Variants in CLDN16 observed in about 807,000 individuals in gnomAD.
CLDN16 encodes the protein claudin 16.
In CLDN16, 13 loss-of-function variants were observed where a neutral mutation model predicts 24.6. The ratio of observed to expected loss-of-function variants is 0.53; its 90% CI spans 0.34 to 0.84. The LOEUF (loss-of-function observed/expected upper bound fraction) is 0.84, where lower values mean the gene tolerates loss of function less well. CLDN16 is among the 40% of genes least tolerant of loss of function. CLDN16 has a pLI of 0.01. For missense variants in CLDN16, 298 were observed against 292.7 expected, an observed-to-expected ratio of 1.02 and a Z score of -0.13; for synonymous variants, 116 against 106.7, an observed-to-expected ratio of 1.09 and a Z score of -0.54.
In CLDN16 at chr3:190,411,013, C is replaced by T. The variant is rs953602137; in HGVS notation, c.*977C>T. 7 of 152,120 alleles carry T rather than the reference C, an allele frequency of 4.6e-5. No homozygotes were observed. Among genetic ancestry groups the T allele is most frequent in the Non-Finnish European group, 1.0e-4 (7 of 68,042 alleles). The allele number at this position is 152,120 out of a possible 1,614,324, so 9.4% of individuals were successfully genotyped here. On this transcript the variant is annotated 3_prime_UTR_variant, in exon 5 of 5. Transcript: ENST00000264734. ...CACGGTAGCTCGCGTCTGTAATCCC[C>T]GCACTTTGGGAGGCCAAGGCGGGTG... is the stretch of plus-strand genomic sequence containing the variant.
At chr3:190,316,888 T>C in the CLDN16 span, among the ~76,000 whole-genome samples, 2 of 152,236 alleles carry the variant, frequency 1.3e-5, no homozygotes, top group Non-Finnish European at 2.9e-5. Context: ...AAAATCTTGC[T>C]ACTAAAAGCC....
chr3:190,318,350 G>A (rs1716824149), upstream of CLDN16, among the ~76,000 whole-genome samples: 1 of 152,132 alleles, frequency 6.6e-6, no homozygotes, highest in African/African-American at 2.4e-5. Flanking sequence ...GGAAACCTAA[G>A]CTATGTGACT....
chr3:190,312,407 G>A, the CLDN16 span, among the ~76,000 whole-genome samples: 1 of 151,500 alleles, frequency 6.6e-6, no homozygotes, highest in Non-Finnish European at 1.5e-5. Flanking sequence ...GTTTATTCTC[G>A]AATTAGATCT....
chr3:190,300,891 G>A, the CLDN16 span, among the ~76,000 whole-genome samples: 4 of 152,100 alleles, frequency 2.6e-5, no homozygotes, highest in African/African-American at 9.7e-5. Context: ...TAACACACCA[G>A]ATTTCTTTGA....
chr3:190,346,529 A>T (rs775530699), intron 1 of CLDN16, among the ~76,000 whole-genome samples: 4 of 152,206 alleles, frequency 2.6e-5, no homozygotes, highest in African/African-American at 4.8e-5. Context: ...TACATTCTTT[A>T]TGTAAGTTGT....
intron 2 of CLDN16, among the ~76,000 whole-genome samples, chr3:190,404,345 A>G (rs951962728): frequency 2.0e-5 from 3 of 152,230 alleles, no homozygotes; most frequent in Non-Finnish European, 2.9e-5. Context: ...TTAAATAAAA[A>G]AAAATTAAAG....
chr3:190,340,881 G>A (rs1027535539), intron 1 of CLDN16, among the ~76,000 whole-genome samples: 1 of 152,098 alleles, frequency 6.6e-6, no homozygotes, highest in African/African-American at 2.4e-5. Context: ...CAAAACAAAG[G>A]GGTTACAGGC....
upstream of CLDN16, among the ~76,000 whole-genome samples, chr3:190,321,139 C>T (rs1315179704): frequency 6.6e-6 from 1 of 152,166 alleles, no homozygotes; most frequent in African/African-American, 2.4e-5. Flanking sequence ...CTCTCACTGC[C>T]TTCCACTCCC....
At chr3:190,322,464 C>T, upstream of CLDN16, 1 of 547,280 alleles carries the variant, frequency 1.8e-6, no homozygotes, top group South Asian at 2.0e-5. Flanking sequence ...CGCTGGGCGC[C>T]GCGATTTAAA....
At chr3:190,358,270 A>G (rs540755101) in intron 1 of CLDN16, among the ~76,000 whole-genome samples, 1 of 152,084 alleles carries the variant, frequency 6.6e-6, no homozygotes, top group East Asian at 1.9e-4. Flanking sequence ...TCATAATAAG[A>G]GCCGCTGAGA....
intron 1 of CLDN16, among the ~76,000 whole-genome samples, chr3:190,341,964 A>G (rs752027290): frequency 5.9e-5 from 9 of 152,182 alleles, no homozygotes; most frequent in Non-Finnish European, 1.3e-4. Context: ...CCAGTTCCCC[A>G]AAAGGTCCTT....
At chr3:190,402,872 G>C (rs1718998991) in intron 2 of CLDN16, among the ~76,000 whole-genome samples, 1 of 152,136 alleles carries the variant, frequency 6.6e-6, no homozygotes. Context: ...TTCAGTTGAA[G>C]GTTAGCTAAG....
the CLDN16 span, among the ~76,000 whole-genome samples, chr3:190,304,727 A>G: frequency 6.6e-6 from 1 of 152,106 alleles, no homozygotes; most frequent in Non-Finnish European, 1.5e-5. Context: ...ATTCAGAGAC[A>G]TTACACGTGA....
At chr3:190,385,580 T>G (rs546836232), upstream of CLDN16, among the ~76,000 whole-genome samples, 234 of 151,992 alleles carry the variant, frequency 1.5e-3, no homozygotes, top group African/African-American at 5.5e-3. Context: ...ATTTTTTTTT[T>G]TGTGAAAGAA....
chr3:190,300,682 A>G, the CLDN16 span, among the ~76,000 whole-genome samples: 1 of 152,226 alleles, frequency 6.6e-6, no homozygotes, highest in Non-Finnish European at 1.5e-5. Context: ...GACTTTTGCT[A>G]TCTACTCCTG....
intron 1 of CLDN16, among the ~76,000 whole-genome samples, chr3:190,392,049 C>T (rs1444702844): frequency 8.4e-6 from 1 of 119,230 alleles, no homozygotes; most frequent in Non-Finnish European, 2.0e-5. Context: ...TTTCTAAGGT[C>T]CTTTTCAGTC....
intron 1 of CLDN16, among the ~76,000 whole-genome samples, chr3:190,391,040 G>A (rs1718645323): frequency 6.6e-6 from 1 of 152,030 alleles, no homozygotes; most frequent in Non-Finnish European, 1.5e-5. Flanking sequence ...TCTTGCCTCG[G>A]CCTCCTAAAG....
chr3:190,387,540 A>C (rs1319289444), upstream of CLDN16, among the ~76,000 whole-genome samples: 1 of 152,216 alleles, frequency 6.6e-6, no homozygotes, highest in Non-Finnish European at 1.5e-5. Context: ...GCATTATATA[A>C]AGAAAATATT....
At chr3:190,342,559 T>C (rs967628912) in intron 1 of CLDN16, among the ~76,000 whole-genome samples, 1 of 151,942 alleles carries the variant, frequency 6.6e-6, no homozygotes, top group Non-Finnish European at 1.5e-5. Flanking sequence ...ATGAAAGAAA[T>C]TGAAAAGGAT....
Sources: allele counts gnomAD v4.1 joint callset (sites outside exome capture counted in the v4.1 genomes callset), GRCh38; gene constraint gnomAD v4.1.1; transcripts MANE v1.5; gene names NCBI Gene and HGNC (gene_info 2026-07-23, HGNC 2026-07-21).